DENND2B: variants seen among roughly 807,000 people sequenced by gnomAD.
DENND2B encodes the protein DENN domain containing 2B.
In DENND2B, 32 loss-of-function variants were observed where a neutral mutation model predicts 116.0. That is an observed-to-expected ratio of 0.28 (90% CI 0.21 to 0.37). The LOEUF (loss-of-function observed/expected upper bound fraction) is 0.37. DENND2B is among the 10% of genes least tolerant of loss of function. DENND2B has a pLI of 1.00. For synonymous variants in DENND2B, 588 were observed against 583.9 expected (o/e 1.01, Z -0.10); for missense variants, 1,276 against 1,477.7 (o/e 0.86, Z 2.24).
At chr11:8,882,941 T>C (rs1295574452) in intron 1 of DENND2B, among the ~76,000 whole-genome samples, 1 of 152,318 alleles carries the variant, frequency 6.6e-6, no homozygotes, top group Admixed American at 6.5e-5. Context: ...TAAGCTGTGA[T>C]TGCACCACTG....
At position 8,729,998 on chromosome 11, in the gene DENND2B, G is replaced by A. The variant is rs1366881322; in HGVS notation, c.1292C>T (p.Thr431Ile). ...ACGCATGTCCTTCTTGGGTCTCCGG[G>A]TGACTGGCGGGGCTGGGGTGGAGGG... Reference protein sequence around the residue: ...PLPSTPAPPVTRRPKKDMRGH... With the variant: ...PLPSTPAPPVIRRPKKDMRGH... The change falls in exon 3 of 20, where the codon ACC (threonine) becomes ATC (isoleucine). Residue 431 changes from threonine (T) to isoleucine (I), a missense_variant. Physicochemically the swap from Thr to Ile is moderately conservative, Grantham distance 89. This residue lies in a region of DENND2B where 856 missense variants were observed against 846.6 expected (regional missense o/e 1.01). Transcript: ENST00000313726. The A allele has an allele frequency of 6.2e-7, 1 of 1,614,198 alleles. No individual in the cohort carries two copies. The highest frequency in any genetic ancestry group is 1.7e-5 in the Admixed American group (1 of 60,026).
chr11:8,889,563 T>C (rs1403046240), intron 1 of DENND2B, among the ~76,000 whole-genome samples: 1 of 152,160 alleles, frequency 6.6e-6, no homozygotes, highest in African/African-American at 2.4e-5. Flanking sequence ...ACTTTTCCAA[T>C]GGTCTTAGCA....
chr11:8,792,167 T>G (rs749610542), intron 1 of DENND2B, among the ~76,000 whole-genome samples: 1 of 152,188 alleles, frequency 6.6e-6, no homozygotes, highest in Non-Finnish European at 1.5e-5. Flanking sequence ...ATCGTACCAT[T>G]GCACTCCAGC....
At chr11:8,867,324 A>G (rs1182716767) in intron 2 of DENND2B, among the ~76,000 whole-genome samples, 2 of 152,122 alleles carry the variant, frequency 1.3e-5, no homozygotes, top group Admixed American at 6.6e-5. Context: ...TAAGCTCCAT[A>G]AGCTGTATAC....
rs2057887556 is a variant in DENND2B, at chr11:8,777,635, GT to G, written c.-25-26911del. On this transcript the variant is annotated intron_variant, in intron 1 of 19. Transcript: ENST00000313726. Reference sequence around the variant, plus strand: ...AGTGTCAGAGATATCTGTGAATCAAGTGCTCAAAGCTACACACATTGGGAGT... The same window carrying G: ...AGTGTCAGAGATATCTGTGAATCAAGGCTCAAAGCTACACACATTGGGAGT... Among the ~76,000 whole-genome samples, 3 of 152,214 alleles carry G rather than the reference GT, an allele frequency of 2.0e-5. No individual in the cohort carries two copies. In the South Asian group the frequency reaches 6.2e-4, roughly 32 times the overall value.
At chr11:8,804,701 TGCCC>T (rs2060686360) in intron 1 of DENND2B, among the ~76,000 whole-genome samples, 1 of 151,956 alleles carries the variant, frequency 6.6e-6, no homozygotes. Flanking sequence ...CACACCACTA[TGCCC>T]GGCCAGTTTT....
intron 1 of DENND2B, among the ~76,000 whole-genome samples, chr11:8,783,046 C>CTTTTTTTT (rs35035048): frequency 8.4e-6 from 1 of 119,024 alleles, no homozygotes; most frequent in African/African-American, 3.3e-5. Context: ...CACCACTTAC[C>CTTTTTTTT]TTTTTTTTTT....
At chr11:8,822,130 G>A (rs755488403) in intron 4 of DENND2B, among the ~76,000 whole-genome samples, 3 of 152,138 alleles carry the variant, frequency 2.0e-5, no homozygotes, top group Non-Finnish European at 4.4e-5. Flanking sequence ...CTTAAGCTAG[G>A]TGGTGGGTCA....
rs1264323667 is a variant in DENND2B, at chr11:8,694,021, G to C, written c.*75C>G. ...GGGGCAGAGGAGCCACAGCAGCCCA[G>C]AGGGTCCCAGGCTGGGCCTTCTCCC... On this transcript the variant is annotated 3_prime_UTR_variant, in exon 20 of 20. Coordinates refer to ENST00000313726, the MANE Select transcript of DENND2B (RefSeq NM_213618.2). 1 of 1,568,168 alleles carries C rather than the reference G, an allele frequency of 6.4e-7. No homozygotes were observed. The highest frequency in any genetic ancestry group is 8.7e-7 in the Non-Finnish European group (1 of 1,144,082).
chr11:8,761,443 G>A (rs2054605670), intron 1 of DENND2B, among the ~76,000 whole-genome samples: 1 of 152,158 alleles, frequency 6.6e-6, no homozygotes, highest in Non-Finnish European at 1.5e-5. Context: ...AACATGGTGG[G>A]TCCTGCAATT....
In DENND2B at chr11:8,730,893, G is replaced by C; in HGVS notation, c.397C>G (p.Pro133Ala). The stretch of plus-strand genomic sequence containing the variant: ...GGGAATGGCGTGCTCTGGGCAAGGG[G>C]GAGGCAGGCAGCGACCCCTGCTACA... Reference protein sequence around the residue: ...QDVAGVAACLPLAQSTPFPGP... With the variant: ...QDVAGVAACLALAQSTPFPGP... The change falls in exon 3 of 20, where the codon CCC (proline) becomes GCC (alanine). Residue 133 changes from proline to alanine, a missense_variant. Pro to Ala is a conservative substitution (Grantham distance 27). Coordinates refer to ENST00000313726, the MANE Select transcript of DENND2B (RefSeq NM_213618.2). The surrounding 1 kb of genome is among the most constrained non-coding windows in gnomAD (Gnocchi z 4.1). 2 of 1,614,050 alleles carry C rather than the reference G, an allele frequency of 1.2e-6. No individual in the cohort carries two copies. The highest frequency in any genetic ancestry group is 1.1e-5 in the South Asian group (1 of 91,090).
rs746144361 is a variant in DENND2B, at chr11:8,702,629, C to T, written c.2663G>A (p.Arg888Gln). 6.8e-6 allele frequency: 11 copies of T among 1,613,736 alleles called. No individual in the cohort carries two copies. The highest frequency in any genetic ancestry group is 5.3e-5 in the African/African-American group (4 of 74,910). ...FTCLSVRQLI[R>Q]IFASLLLERR... Reference sequence around the variant, plus strand: ...CTCCAGCAGCAGTGAGGCAAAGATTCGGATGAGCTGGCGCACACTGAGGCA... The same window carrying T: ...CTCCAGCAGCAGTGAGGCAAAGATTTGGATGAGCTGGCGCACACTGAGGCA... The change falls in exon 14 of 20, where the codon CGA becomes CAA. Residue 888 changes from arginine (R) to glutamine (Q), a missense_variant. Physicochemically the swap from Arg to Gln is conservative, Grantham distance 43. Coordinates refer to ENST00000313726, the MANE Select transcript of DENND2B (RefSeq NM_213618.2). The surrounding 1 kb of genome is among the most constrained non-coding windows in gnomAD (Gnocchi z 4.6).
chr11:8,782,779 C>T (rs922617953), intron 1 of DENND2B, among the ~76,000 whole-genome samples: 9 of 147,960 alleles, frequency 6.1e-5, no homozygotes, highest in Admixed American at 5.5e-4. Context: ...CCCAGCTACT[C>T]GGGAGGCTGA....
intron 1 of DENND2B, among the ~76,000 whole-genome samples, chr11:8,762,195 C>T (rs1429487661): frequency 6.6e-6 from 1 of 152,154 alleles, no homozygotes; most frequent in Non-Finnish European, 1.5e-5. Context: ...CTTATAAGGC[C>T]CTCCATTGTC....
At chr11:8,812,919 C>T (rs945460833), upstream of DENND2B, among the ~76,000 whole-genome samples, 1 of 13,878 alleles carries the variant, frequency 7.2e-5, no homozygotes, top group Non-Finnish European at 6.2e-3. Flanking sequence ...CTCCCAAAAA[C>T]AGTGCTCCCA....
intron 4 of DENND2B, among the ~76,000 whole-genome samples, chr11:8,838,190 C>G (rs1160154134): frequency 6.6e-6 from 1 of 152,234 alleles, no homozygotes; most frequent in Non-Finnish European, 1.5e-5. Context: ...ACTAATGGTT[C>G]TCTGCCTCTT....
chr11:8,783,446 T>C (rs1347443053), intron 1 of DENND2B, among the ~76,000 whole-genome samples: 1 of 152,194 alleles, frequency 6.6e-6, no homozygotes, highest in Non-Finnish European at 1.5e-5. Flanking sequence ...GTGGAATATA[T>C]CCAAGTAATA....
chr11:8,715,625 C>T lies in DENND2B; in HGVS notation c.1823G>A (p.Arg608His), dbSNP rs568829075. 1.5e-5 allele frequency: 24 copies of T among 1,612,512 alleles called. No homozygotes were observed. In the East Asian group the frequency reaches 1.8e-4, roughly 12 times the overall value. ...TACCTTGGGAATGCGGCGGGCCCGG[C>T]GGCTGGACAGCAGCTCGCTGGTGGT... Reference protein sequence around the residue: ...LSTTSELLSSRRARRIPKLVQ... With the variant: ...LSTTSELLSSHRARRIPKLVQ... The change falls in exon 6 of 20, where the codon CGC (arginine) becomes CAC (histidine). Residue 608 changes from arginine (R) to histidine (H), a missense_variant. Physicochemically the swap from Arg to His is conservative, Grantham distance 29. Transcript: ENST00000313726.
chr11:8,821,633 G>A (rs1209963779), intron 4 of DENND2B, among the ~76,000 whole-genome samples: 1 of 151,956 alleles, frequency 6.6e-6, no homozygotes, highest in Non-Finnish European at 1.5e-5. Context: ...ATTAGCATGG[G>A]AGACAACGCT....
Sources: gnomAD v4.1 joint callset for allele counts (sites outside exome capture counted in the v4.1 genomes callset) on GRCh38, gnomAD v4.1.1 for gene constraint, gnomAD v4.1.1 regional missense constraint, Gnocchi (gnomAD v3.1) non-coding constraint, MANE v1.5 for transcripts, NCBI Gene and HGNC (gene_info 2026-07-23, HGNC 2026-07-21) for gene names.